The following MCTP1 variants were observed in gnomAD, a reference collection of about 807,000 sequenced individuals.
The protein encoded by MCTP1 is multiple C2 and transmembrane domain containing 1.
A neutral mutation model predicts 120.6 loss-of-function variants in MCTP1; 69 were observed. The ratio of observed to expected loss-of-function variants is 0.57; its 90% CI spans 0.47 to 0.70. The LOEUF (loss-of-function observed/expected upper bound fraction) is 0.70, where lower values mean the gene tolerates loss of function less well. Among genes scored for constraint, MCTP1 ranks in the 30% least tolerant of loss-of-function variants. The pLI is 0.00. For missense variants in MCTP1, 1,203 were observed against 1,248.8 expected, an observed-to-expected ratio of 0.96 and a Z score of 0.55; for synonymous variants, 529 against 493.1, an observed-to-expected ratio of 1.07 and a Z score of -0.96.
chr5:94,765,253 C>T (rs184985497), intron 19 of MCTP1, among the ~76,000 whole-genome samples: 26 of 152,096 alleles, frequency 1.7e-4, no homozygotes, highest in East Asian at 5.8e-4. Flanking sequence ...AGCAGTGCTA[C>T]GAGGGCCATT....
intron 1 of MCTP1, among the ~76,000 whole-genome samples, chr5:95,145,563 G>A (rs577704130): frequency 6.6e-6 from 1 of 152,080 alleles, no homozygotes; most frequent in African/African-American, 2.4e-5. Context: ...TTTGAGGTAT[G>A]TGTCTTCAAT....
chr5:94,780,925 AAAGAC>A (rs1226165056), intron 18 of MCTP1, among the ~76,000 whole-genome samples: 1 of 152,156 alleles, frequency 6.6e-6, no homozygotes, highest in Non-Finnish European at 1.5e-5. Flanking sequence ...TCACAAATAC[AAAGAC>A]AATAGTGACA....
At chr5:95,181,342 T>C (rs1748573590) in intron 1 of MCTP1, among the ~76,000 whole-genome samples, 1 of 152,232 alleles carries the variant, frequency 6.6e-6, no homozygotes, top group African/African-American at 2.4e-5. Flanking sequence ...TTCTGCTGTT[T>C]TTATACTACA....
chr5:94,892,671 C>T (rs2153397720), intron 11 of MCTP1, among the ~76,000 whole-genome samples: 1 of 152,276 alleles, frequency 6.6e-6, no homozygotes, highest in Middle Eastern at 3.4e-3. Context: ...TGTTTCATAT[C>T]AGAGTGGGGG....
chr5:95,234,555 G>A lies in MCTP1; in HGVS notation c.720+49301C>T, dbSNP rs58848545. On this transcript the variant is annotated intron_variant, in intron 1 of 22. Coordinates refer to ENST00000515393, the MANE Select transcript of MCTP1 (RefSeq NM_024717.7). Reference sequence around the variant, plus strand: ...AAAGACTGAGGAAACGAGAACCAACGCAGTTATTGCTGTGAGTAATAATAG... The same window carrying A: ...AAAGACTGAGGAAACGAGAACCAACACAGTTATTGCTGTGAGTAATAATAG... Among the ~76,000 whole-genome samples, 951 of 152,230 alleles carry A rather than the reference G, an allele frequency of 6.2e-3. 12 individuals carry two copies. Among genetic ancestry groups the A allele is most frequent in the African/African-American group, 0.021 (874 of 41,554 alleles).
chr5:95,172,615 G>A (rs1407163585), intron 1 of MCTP1, among the ~76,000 whole-genome samples: 1 of 151,212 alleles, frequency 6.6e-6, no homozygotes, highest in Non-Finnish European at 1.5e-5. Context: ...CCTGTATGAT[G>A]TCTAGCACTA....
chr5:95,052,589 C>A (rs73138088), intron 1 of MCTP1, among the ~76,000 whole-genome samples: 2,312 of 152,230 alleles, frequency 0.015, 59 homozygotes, highest in African/African-American at 0.053. Flanking sequence ...TTAAAATTTA[C>A]AGTTGCCATC....
At chr5:94,768,264 TA>T (rs1474788768) in intron 19 of MCTP1, among the ~76,000 whole-genome samples, 1 of 152,120 alleles carries the variant, frequency 6.6e-6, no homozygotes, top group African/African-American at 2.4e-5. Context: ...CAAAATGGAT[TA>T]AAGATTTAAA....
intron 18 of MCTP1, among the ~76,000 whole-genome samples, chr5:94,798,605 C>T (rs1382671872): frequency 1.3e-5 from 2 of 151,988 alleles, no homozygotes; most frequent in African/African-American, 4.8e-5. Flanking sequence ...TTCCAATGAC[C>T]GAGCACAAAG....
At chr5:95,113,270 CAAGAT>C (rs1757584086) in intron 1 of MCTP1, among the ~76,000 whole-genome samples, 1 of 151,950 alleles carries the variant, frequency 6.6e-6, no homozygotes, top group South Asian at 2.1e-4. Flanking sequence ...GGAAGAACAC[CAAGAT>C]AACAACTATC....
intron 1 of MCTP1, among the ~76,000 whole-genome samples, chr5:95,130,101 G>A (rs530661722): frequency 9.2e-5 from 14 of 152,220 alleles, no homozygotes; most frequent in Admixed American, 2.0e-4. Flanking sequence ...CCAGCTTCTC[G>A]GACCTTAGAA....
In MCTP1 at chr5:95,212,757, A is replaced by G. The variant is rs542304363; in HGVS notation, c.720+71099T>C. Among the ~76,000 whole-genome samples the G allele has an allele frequency of 1.7e-3, 260 of 152,268 alleles. 2 individuals carry two copies. The highest frequency in any genetic ancestry group is 6.0e-3 in the African/African-American group (250 of 41,556). ...CCAGCATATAAACAGAACCAAAGAC[A>G]AAAACCACATGATTATCTCAATAGA... is the stretch of plus-strand genomic sequence containing the variant. On this transcript the variant is annotated intron_variant, in intron 1 of 22. Transcript: ENST00000515393.
chr5:94,822,306 G>A (rs1341573337), intron 17 of MCTP1, among the ~76,000 whole-genome samples: 2 of 152,074 alleles, frequency 1.3e-5, no homozygotes, highest in African/African-American at 4.8e-5. Context: ...GAGAACATGC[G>A]GTGTTTGGTT....
At chr5:94,755,949 A>G (rs2152824973) in intron 19 of MCTP1, among the ~76,000 whole-genome samples, 1 of 152,342 alleles carries the variant, frequency 6.6e-6, no homozygotes, top group African/African-American at 2.4e-5. Context: ...TAGAAACAGA[A>G]GTAATTTTTT....
chr5:95,081,600 G>A, intron 1 of MCTP1: 1 of 1,416,704 alleles, frequency 7.1e-7, no homozygotes, highest in South Asian at 1.6e-5. Flanking sequence ...GATAGCAACA[G>A]CCCTGCACGG....
At chr5:95,265,410 A>G (rs1344740636) in intron 1 of MCTP1, among the ~76,000 whole-genome samples, 1 of 152,246 alleles carries the variant, frequency 6.6e-6, no homozygotes, top group Admixed American at 6.5e-5. Context: ...ATCAAAGCCC[A>G]GAGTGCACAA....
chr5:95,166,917 C>CTTTTTTTT (rs386404479), intron 1 of MCTP1, among the ~76,000 whole-genome samples: 3 of 137,860 alleles, frequency 2.2e-5, no homozygotes, highest in Non-Finnish European at 3.1e-5. Context: ...CCTTTCTATT[C>CTTTTTTTT]TTTTTTTTTT....
chr5:94,719,576 C>T (rs878998787), intron 19 of MCTP1, among the ~76,000 whole-genome samples: 1 of 152,144 alleles, frequency 6.6e-6, no homozygotes, highest in Non-Finnish European at 1.5e-5. Flanking sequence ...AACAGAAAAC[C>T]AAACACCACA....
At chr5:95,251,887 A>G (rs749472240) in intron 1 of MCTP1, among the ~76,000 whole-genome samples, 4 of 152,072 alleles carry the variant, frequency 2.6e-5, no homozygotes, top group Non-Finnish European at 5.9e-5. Flanking sequence ...CCCAAATCAC[A>G]TATCTAGTAA....
Sources: gnomAD v4.1 joint callset for allele counts (sites outside exome capture counted in the v4.1 genomes callset) on GRCh38, gnomAD v4.1.1 for gene constraint, MANE v1.5 for transcripts, NCBI Gene and HGNC (gene_info 2026-07-23, HGNC 2026-07-21) for gene names.